The following PTPRO variants were observed in gnomAD, a reference collection of about 807,000 sequenced individuals.
The protein encoded by PTPRO is protein tyrosine phosphatase receptor type O.
A neutral mutation model predicts 145.2 loss-of-function variants in PTPRO; 62 were observed. The ratio of observed to expected loss-of-function variants is 0.43; its 90% CI spans 0.35 to 0.53. The LOEUF (loss-of-function observed/expected upper bound fraction) is 0.53, where lower values mean the gene tolerates loss of function less well. PTPRO is among the 20% of genes least tolerant of loss of function. PTPRO has a pLI of 0.01. For missense variants in PTPRO, 1,345 were observed against 1,482.7 expected, an observed-to-expected ratio of 0.91 and a Z score of 1.53; for synonymous variants, 565 against 514.7, an observed-to-expected ratio of 1.10 and a Z score of -1.32.
chr12:15,530,776 T>C (rs1942945775), intron 12 of PTPRO, among the ~76,000 whole-genome samples: 1 of 151,904 alleles, frequency 6.6e-6, no homozygotes, highest in African/African-American at 2.4e-5. Flanking sequence ...TATAAAAAAG[T>C]AGAAAGTTCA....
At chr12:15,519,029 C>T (rs1481016976) in intron 9 of PTPRO, among the ~76,000 whole-genome samples, 1 of 152,162 alleles carries the variant, frequency 6.6e-6, no homozygotes, top group Non-Finnish European at 1.5e-5. Flanking sequence ...TCATTCGTTT[C>T]CATGCTGCTG....
intron 1 of PTPRO, among the ~76,000 whole-genome samples, chr12:15,448,358 A>AAAAAAAAAAAAAAAAAAAAAAAAAC: frequency 6.7e-6 from 1 of 149,790 alleles, no homozygotes; most frequent in Non-Finnish European, 1.5e-5. Context: ...AAAAAAAAAA[A>AAAAAAAAAAAAAAAAAAAAAAAAAC]AAGCACCGAT....
At chr12:15,509,186 G>C (rs113100196) in intron 7 of PTPRO, among the ~76,000 whole-genome samples, 1 of 152,132 alleles carries the variant, frequency 6.6e-6, no homozygotes, top group African/African-American at 2.4e-5. Flanking sequence ...AGGAGTTCAC[G>C]GAAGAAGGAG....
chr12:15,362,441 T>A (rs897139918), intron 1 of PTPRO, among the ~76,000 whole-genome samples: 9 of 152,222 alleles, frequency 5.9e-5, no homozygotes, highest in African/African-American at 2.2e-4. Context: ...TTATTACAAG[T>A]TCATCTATTT....
At chr12:15,366,807 A>C (rs1938375112) in intron 1 of PTPRO, among the ~76,000 whole-genome samples, 1 of 152,202 alleles carries the variant, frequency 6.6e-6, no homozygotes, top group African/African-American at 2.4e-5. Context: ...GTATAAACAA[A>C]TAAATGTCAA....
intron 1 of PTPRO, among the ~76,000 whole-genome samples, chr12:15,466,939 G>C (rs1315305463): frequency 6.6e-6 from 1 of 152,130 alleles, no homozygotes; most frequent in East Asian, 1.9e-4. Flanking sequence ...TAATACATAG[G>C]CTTTGGGATC....
chr12:15,502,319 C>T (rs1942238994), intron 5 of PTPRO, among the ~76,000 whole-genome samples: 1 of 152,096 alleles, frequency 6.6e-6, no homozygotes, highest in African/African-American at 2.4e-5. Flanking sequence ...CATTTGACTG[C>T]CCACTATTTC....
At chr12:15,555,799 C>A (rs764694469) in intron 15 of PTPRO, among the ~76,000 whole-genome samples, 2 of 151,960 alleles carry the variant, frequency 1.3e-5, no homozygotes, top group Admixed American at 1.3e-4. Flanking sequence ...TTTTCTGTGC[C>A]TAAAATAAAA....
In PTPRO at chr12:15,453,902, G is replaced by A. The variant is rs139519830; in HGVS notation, c.76-30072G>A. Reference sequence around the variant, plus strand: ...AGTTTCATTCATGTAGTTGCATATCGTAGGACTTCCTCCTTTTAAGGCTGA... The same window carrying A: ...AGTTTCATTCATGTAGTTGCATATCATAGGACTTCCTCCTTTTAAGGCTGA... On this transcript the variant is annotated intron_variant, in intron 1 of 26. Transcript: ENST00000281171. Among the ~76,000 whole-genome samples the A allele has an allele frequency of 7.9e-5, 12 of 152,212 alleles. 1 individual carries two copies. The highest frequency in any genetic ancestry group is 3.9e-4 in the East Asian group (2 of 5,178).
chr12:15,468,366 T>A (rs1941464421), intron 1 of PTPRO, among the ~76,000 whole-genome samples: 3 of 152,214 alleles, frequency 2.0e-5, no homozygotes, highest in South Asian at 2.1e-4. Flanking sequence ...AGCCTCTAAC[T>A]TTTTTAGAAG....
intron 18 of PTPRO, among the ~76,000 whole-genome samples, chr12:15,567,446 T>C (rs952015416): frequency 5.9e-5 from 9 of 152,268 alleles, no homozygotes; most frequent in Non-Finnish European, 1.3e-4. Context: ...GCTTTCTTTT[T>C]CTTCTCCTTG....
Position 15,560,222 on chromosome 12 carries a change from T to A in PTPRO, c.2657T>A (p.Leu886Gln). The A allele has an allele frequency of 6.3e-7, 1 of 1,596,420 alleles. No homozygotes were observed. Among genetic ancestry groups the A allele is most frequent in the Non-Finnish European group, 8.6e-7 (1 of 1,164,198 alleles). The stretch of plus-strand genomic sequence containing the variant: ...AGGAGTATATTTGCTTTCTTAACCC[T>A]GCTACCCTCATGTCTTTGGACTGAT... Reference protein sequence around the residue: ...WRRSIFAFLTLLPSCLWTDYL... With the variant: ...WRRSIFAFLTQLPSCLWTDYL... Residue 886 changes from leucine (L) to glutamine (Q), a missense_variant, in exon 17 of 27, where the codon CTG (leucine) becomes CAG (glutamine). Transcript: ENST00000281171.
chr12:15,593,574 C>A (rs200760296), intron 25 of PTPRO, among the ~76,000 whole-genome samples: 1 of 152,058 alleles, frequency 6.6e-6, no homozygotes, highest in Non-Finnish European at 1.5e-5. Context: ...TACTATGTAG[C>A]CTGTATAGTA....
At chr12:15,370,195 C>T (rs993335060) in intron 1 of PTPRO, among the ~76,000 whole-genome samples, 4 of 152,110 alleles carry the variant, frequency 2.6e-5, no homozygotes, top group African/African-American at 7.2e-5. Flanking sequence ...GAAACTAGTA[C>T]GTGCCTTTAG....
At chr12:15,362,366 A>G (rs906446966) in intron 1 of PTPRO, among the ~76,000 whole-genome samples, 1 of 152,228 alleles carries the variant, frequency 6.6e-6, no homozygotes, top group African/African-American at 2.4e-5. Flanking sequence ...CATCAGAGCT[A>G]CATGTCAGGT....
At position 15,549,211 on chromosome 12, in the gene PTPRO, G is replaced by A. The variant is rs952271010; in HGVS notation, c.2422G>A (p.Ala808Thr). Residue 808 changes from alanine (A) to threonine (T), a missense_variant, in exon 14 of 27, where the codon GCC becomes ACC. Around this residue, in one of 3 missense-constraint regions of PTPRO, gnomAD observed 1,130 missense variants for 1,214.7 expected, o/e 0.93. Coordinates refer to ENST00000281171, the MANE Select transcript of PTPRO (RefSeq NM_030667.3). ...HDSPSVPTFIAVSTMVTEMNP... is the reference protein window; with the variant it reads ...HDSPSVPTFITVSTMVTEMNP... Reference sequence around the variant, plus strand: ...CAGCCCCAGTGTCCCTACGTTCATAGCCGTCTCAACAATGGGTAATTATAC... The same window carrying A: ...CAGCCCCAGTGTCCCTACGTTCATAACCGTCTCAACAATGGGTAATTATAC... 2 of 1,607,734 alleles carry A rather than the reference G, an allele frequency of 1.2e-6. No individual in the cohort carries two copies. The highest frequency in any genetic ancestry group is 1.7e-5 in the Admixed American group (1 of 59,746).
At chr12:15,375,841 A>G (rs1380692551) in intron 1 of PTPRO, among the ~76,000 whole-genome samples, 1 of 152,168 alleles carries the variant, frequency 6.6e-6, no homozygotes, top group South Asian at 2.1e-4. Flanking sequence ...CATAATAACT[A>G]AAACAGAATA....
chr12:15,393,967 C>G (rs1021356567), intron 1 of PTPRO, among the ~76,000 whole-genome samples: 2 of 152,114 alleles, frequency 1.3e-5, no homozygotes, highest in Non-Finnish European at 2.9e-5. Flanking sequence ...GAAAGAGGGC[C>G]TATCTGGCTT....
chr12:15,499,366 A>C, intron 3 of PTPRO, 76 bp from the exon 4 acceptor site: 1 of 1,400,754 alleles, frequency 7.1e-7, no homozygotes, highest in Admixed American at 1.7e-5. Context: ...GTTTAGCCAT[A>C]ATTGTTTCAA....
Sources: allele counts gnomAD v4.1 joint callset (sites outside exome capture counted in the v4.1 genomes callset), GRCh38; gene constraint gnomAD v4.1.1; regional missense constraint gnomAD v4.1.1; transcripts MANE v1.5; gene names NCBI Gene and HGNC (gene_info 2026-07-23, HGNC 2026-07-21).